OSBPL11: variants seen among roughly 807,000 people sequenced by gnomAD.
The protein encoded by OSBPL11 is oxysterol binding protein like 11, also known as oxysterol-binding protein-related protein 11.
Under a neutral mutation model 84.4 loss-of-function variants are expected in OSBPL11, and 33 were observed. That is an observed-to-expected ratio of 0.39 (90% confidence interval 0.30 to 0.52). The LOEUF (loss-of-function observed/expected upper bound fraction) is 0.52, where lower values mean the gene tolerates loss of function less well. Among genes scored for constraint, OSBPL11 ranks in the 20% least tolerant of loss-of-function variants. OSBPL11 has a pLI of 0.72. For missense variants in OSBPL11, 736 were observed against 901.1 expected, an observed-to-expected ratio of 0.82 and a Z score of 2.35; for synonymous variants, 276 against 310.2, an observed-to-expected ratio of 0.89 and a Z score of 1.16.
At chr3:125,583,028 A>G in intron 1 of OSBPL11, 50 bp from the exon 2 acceptor site, 1 of 1,354,944 alleles carries the variant, frequency 7.4e-7, no homozygotes. Context: ...AAGAAATCCC[A>G]GGAGGATAAT....
intron 1 of OSBPL11, 120 bp downstream of exon 1, chr3:125,594,517 C>G (rs59316977): frequency 0.049 from 56,470 of 1,157,140 alleles, 1,742 homozygotes; most frequent in African/African-American, 0.12. Context: ...CGAGATGTAT[C>G]AGTAGCTTCT....
chr3:125,593,397 ATCACTT>A (rs1936630494), intron 1 of OSBPL11, among the ~76,000 whole-genome samples: 1 of 152,166 alleles, frequency 6.6e-6, no homozygotes, highest in Admixed American at 6.6e-5. Flanking sequence ...AGGAGGGCTG[ATCACTT>A]GAGGTCAGGA....
chr3:125,591,052 A>G (rs72979764), intron 1 of OSBPL11, among the ~76,000 whole-genome samples: 381 of 152,336 alleles, frequency 2.5e-3, no homozygotes, highest in African/African-American at 8.9e-3. Flanking sequence ...ATTAAATGTG[A>G]TAACAGATGT....
At chr3:125,571,511 C>G (rs567714477) in intron 5 of OSBPL11, among the ~76,000 whole-genome samples, 40 of 152,206 alleles carry the variant, frequency 2.6e-4, no homozygotes, top group African/African-American at 9.2e-4. Context: ...ATCATAGGCC[C>G]GGAGGCCTAG....
intron 1 of OSBPL11, among the ~76,000 whole-genome samples, chr3:125,590,473 T>A (rs1343880828): frequency 6.6e-6 from 1 of 152,094 alleles, no homozygotes; most frequent in Non-Finnish European, 1.5e-5. Context: ...TCGCTTGGAC[T>A]TGAACCTGGG....
intron 5 of OSBPL11, among the ~76,000 whole-genome samples, chr3:125,573,746 C>A (rs1158340585): frequency 6.6e-6 from 1 of 151,908 alleles, no homozygotes; most frequent in South Asian, 2.1e-4. Flanking sequence ...CTGCAGCATG[C>A]CTGTAATCTC....
intron 8 of OSBPL11, among the ~76,000 whole-genome samples, chr3:125,558,374 T>C (rs1936024279): frequency 2.0e-5 from 3 of 152,206 alleles, no homozygotes; most frequent in African/African-American, 7.2e-5. Flanking sequence ...GAACCATTAA[T>C]ATGAAAATAT....
intron 1 of OSBPL11, among the ~76,000 whole-genome samples, chr3:125,591,205 A>G (rs190218307): frequency 6.6e-6 from 1 of 152,346 alleles, no homozygotes; most frequent in East Asian, 1.9e-4. Flanking sequence ...TGACTCCCCA[A>G]GTCCGTTTTC....
At chr3:125,540,229 T>G (rs1426906572) in intron 10 of OSBPL11, among the ~76,000 whole-genome samples, 2 of 148,878 alleles carry the variant, frequency 1.3e-5, no homozygotes, top group Non-Finnish European at 3.0e-5. Context: ...CTCAGGAGGT[T>G]GAGGCCTGAG....
chr3:125,572,394 A>C (rs917257398), intron 5 of OSBPL11, among the ~76,000 whole-genome samples: 2 of 152,156 alleles, frequency 1.3e-5, no homozygotes, highest in East Asian at 3.8e-4. Flanking sequence ...TTGGGAAGGC[A>C]TGATTAGTTT....
chr3:125,571,488 G>T (rs1320483855), intron 5 of OSBPL11, among the ~76,000 whole-genome samples: 1 of 152,142 alleles, frequency 6.6e-6, no homozygotes, highest in Non-Finnish European at 1.5e-5. Context: ...AAGTCTTCAT[G>T]GCAGACCCTC....
chr3:125,538,189 TACAC>T (rs1935670861), intron 11 of OSBPL11, among the ~76,000 whole-genome samples: 2 of 152,232 alleles, frequency 1.3e-5, no homozygotes, highest in South Asian at 2.1e-4. Context: ...GTTTTTATGA[TACAC>T]ACAGTAATTC....
intron 6 of OSBPL11, 75 bp downstream of exon 6, chr3:125,567,319 T>C: frequency 7.7e-7 from 1 of 1,294,046 alleles, no homozygotes; most frequent in Non-Finnish European, 1.1e-6. Flanking sequence ...TTTCTGAAAT[T>C]AGAATTACAA....
intron 5 of OSBPL11, among the ~76,000 whole-genome samples, chr3:125,573,951 G>A (rs1936278956): frequency 6.8e-6 from 1 of 148,112 alleles, no homozygotes; most frequent in African/African-American, 2.5e-5. Flanking sequence ...CTTACCCACA[G>A]ATTTGATTAA....
chr3:125,574,380 A>G (rs1011852651), intron 5 of OSBPL11, among the ~76,000 whole-genome samples: 3 of 152,172 alleles, frequency 2.0e-5, no homozygotes, highest in Non-Finnish European at 4.4e-5. Flanking sequence ...CTCTATATAA[A>G]AAGTGGGAAG....
intron 10 of OSBPL11, among the ~76,000 whole-genome samples, chr3:125,541,481 T>A (rs1042199650): frequency 1.3e-5 from 2 of 152,218 alleles, no homozygotes; most frequent in African/African-American, 4.8e-5. Flanking sequence ...ATGCTGGGCA[T>A]TTTACATAAA....
At chr3:125,562,654 C>A (rs554589498) in intron 7 of OSBPL11, among the ~76,000 whole-genome samples, 1 of 152,222 alleles carries the variant, frequency 6.6e-6, no homozygotes, top group African/African-American at 2.4e-5. Context: ...AGGCCGGGTG[C>A]GGTAGCTCAC....
intron 6 of OSBPL11, among the ~76,000 whole-genome samples, chr3:125,566,076 G>A (rs1294763180): frequency 6.6e-6 from 1 of 152,116 alleles, no homozygotes; most frequent in Admixed American, 6.6e-5. Context: ...CACGATCTGG[G>A]CTCACTGCAC....
intron 4 of OSBPL11, among the ~76,000 whole-genome samples, chr3:125,578,404 T>A (rs1198023883): frequency 6.6e-6 from 1 of 152,108 alleles, no homozygotes; most frequent in African/African-American, 2.4e-5. Context: ...TGGCTCCGGA[T>A]TTTTTATTTT....
Sources: gnomAD v4.1 joint callset for allele counts (sites outside exome capture counted in the v4.1 genomes callset) on GRCh38, gnomAD v4.1.1 for gene constraint, MANE v1.5 for transcripts, NCBI Gene and HGNC (gene_info 2026-07-23, HGNC 2026-07-21) for gene names.